The following KCNU1 variants were observed in gnomAD, a reference collection of about 807,000 sequenced individuals.
KCNU1 encodes potassium calcium-activated channel subfamily U member 1.
KCNU1 carries 93 observed loss-of-function variants against 126.8 expected under a neutral mutation model. That is an observed-to-expected ratio of 0.73 (90% CI 0.62 to 0.87). The LOEUF is 0.87. Among genes scored for constraint, KCNU1 ranks in the 40% least tolerant of loss-of-function variants. KCNU1 has a pLI of 0.00. For missense variants in KCNU1, 1,330 were observed against 1,367.1 expected (o/e 0.97, Z 0.43); for synonymous variants, 523 against 494.2 (o/e 1.06, Z -0.77).
intron 19 of KCNU1, among the ~76,000 whole-genome samples, chr8:36,899,545 C>T (rs372982498): frequency 5.2e-4 from 79 of 152,158 alleles, no homozygotes; most frequent in African/African-American, 1.9e-3. Flanking sequence ...TTAAATCATA[C>T]CTATTATCTC....
chr8:36,905,016 A>C (rs917182232), intron 19 of KCNU1, among the ~76,000 whole-genome samples: 4 of 152,170 alleles, frequency 2.6e-5, no homozygotes, highest in Non-Finnish European at 5.9e-5. Context: ...TCTCACAAGC[A>C]AATATGCATT....
chr8:36,787,634 T>C (rs1802755299), intron 2 of KCNU1, among the ~76,000 whole-genome samples: 1 of 149,652 alleles, frequency 6.7e-6, no homozygotes, highest in Admixed American at 6.7e-5. Context: ...TGAATACGAT[T>C]ACTAATAATT....
In KCNU1 at chr8:36,935,714, A is replaced by G. The variant is rs371238547; in HGVS notation, c.3244A>G (p.Thr1082Ala). The G allele has an allele frequency of 6.2e-7, 1 of 1,612,958 alleles. No homozygotes were observed. Among genetic ancestry groups the G allele is most frequent in the African/African-American group, 1.3e-5 (1 of 75,016 alleles). ...TTGTCCTCCCACCATTGATTCAGTTACTGAGACATTGTATTCACCAGTCTA... is the reference window on the plus strand; with the variant it reads ...TTGTCCTCCCACCATTGATTCAGTTGCTGAGACATTGTATTCACCAGTCTA... Reference protein sequence around the residue: ...TNCPPTIDSVTETLYSPVYSY... With the variant: ...TNCPPTIDSVAETLYSPVYSY... The change falls in exon 27 of 27, where the codon ACT becomes GCT. Residue 1082 changes from threonine to alanine, a missense_variant. Physicochemically the swap from Thr to Ala is moderately conservative, Grantham distance 58. Coordinates refer to ENST00000399881, the MANE Select transcript of KCNU1 (RefSeq NM_001031836.3).
intron 10 of KCNU1, among the ~76,000 whole-genome samples, chr8:36,821,053 A>G (rs1004207559): frequency 6.6e-6 from 1 of 152,198 alleles, no homozygotes. Context: ...AGCCCTACCA[A>G]CTTGAAGTAG....
intron 24 of KCNU1, chr8:36,929,192 G>A: frequency 1.9e-6 from 1 of 514,710 alleles, no homozygotes. Flanking sequence ...GATCAGCATG[G>A]CCAACATGGC....
chr8:36,858,540 GCCTTTAAACA>G (rs999981081), intron 18 of KCNU1, among the ~76,000 whole-genome samples: 12 of 152,164 alleles, frequency 7.9e-5, no homozygotes, highest in Middle Eastern at 6.8e-3. Context: ...GTATATATAG[GCCTTTAAACA>G]CAGTGTACAA....
intron 19 of KCNU1, among the ~76,000 whole-genome samples, chr8:36,892,011 A>G (rs1806980969): frequency 6.6e-6 from 1 of 152,146 alleles, no homozygotes; most frequent in Non-Finnish European, 1.5e-5. Flanking sequence ...TTCATTAAAT[A>G]TGTAAAATTT....
chr8:36,841,044 T>G (rs775026050), intron 16 of KCNU1, 41 bp downstream of exon 16: 106 of 1,287,554 alleles, frequency 8.2e-5, no homozygotes, highest in East Asian at 1.2e-4. Context: ...GTTTTTTTTT[T>G]TTTTTTTTTT....
chr8:36,802,108 CA>C (rs749026223), intron 2 of KCNU1, among the ~76,000 whole-genome samples: 739 of 72,330 alleles, frequency 0.01, 3 homozygotes, highest in African/African-American at 0.027. Flanking sequence ...AACTCCGTCT[CA>C]AAAAAAAAAA....
At chr8:36,922,904 G>T (rs1263000376) in intron 24 of KCNU1, 1 of 551,808 alleles carries the variant, frequency 1.8e-6, no homozygotes. Flanking sequence ...AGCTTCTAAG[G>T]CATCGCTGCA....
intron 14 of KCNU1, among the ~76,000 whole-genome samples, chr8:36,839,045 A>T (rs1387640588): frequency 1.3e-5 from 2 of 152,204 alleles, no homozygotes; most frequent in Non-Finnish European, 2.9e-5. Flanking sequence ...CTATAAAATT[A>T]AAGTTATTAA....
At chr8:36,808,628 C>A in intron 6 of KCNU1, 90 bp from the exon 7 acceptor site, 1 of 805,512 alleles carries the variant, frequency 1.2e-6, no homozygotes, top group Non-Finnish European at 2.1e-6. Context: ...CCATGAGCCA[C>A]ACTTTGTGTA....
At chr8:36,888,197 ACT>A (rs1426340318) in intron 19 of KCNU1, among the ~76,000 whole-genome samples, 3 of 152,188 alleles carry the variant, frequency 2.0e-5, no homozygotes, top group Admixed American at 6.6e-5. Flanking sequence ...TATGTTAAAG[ACT>A]CTGATAGAAA....
rs1807855461 is a variant in KCNU1 at position 36,911,101 on chromosome 8, C to T, written c.2503C>T (p.Pro835Ser). The change falls in exon 22 of 27, where the codon CCG becomes TCG. Residue 835 changes from proline to serine, a missense_variant. Physicochemically the swap from Pro to Ser is moderately conservative, Grantham distance 74. This residue lies in a region of KCNU1 where 1,054 missense variants were observed against 1,053.9 expected (regional missense o/e 1.00). Coordinates refer to ENST00000399881, the MANE Select transcript of KCNU1 (RefSeq NM_001031836.3). ...GSLQIDSSSDPSPSVSEETPG... is the reference protein window; with the variant it reads ...GSLQIDSSSDSSPSVSEETPG... Reference sequence around the variant, plus strand: ...CTTGCAAATTGACTCCTCCTCTGACCCGTCACCCTCAGTGTCAGGTGAGAA... The same window carrying T: ...CTTGCAAATTGACTCCTCCTCTGACTCGTCACCCTCAGTGTCAGGTGAGAA... 1 of 1,612,972 alleles carries T rather than the reference C, an allele frequency of 6.2e-7. No individual in the cohort carries two copies. The highest frequency in any genetic ancestry group is 8.5e-7 in the Non-Finnish European group (1 of 1,179,234).
In KCNU1 at chr8:36,876,673, C is replaced by T. The variant is rs1014696590; in HGVS notation, c.2009+12152C>T. ...CCTCCTCCCACTTCTTCCTCCTTTC[C>T]TCTCCTTCAGTTCACCTTGCAGCCA... On this transcript the variant is annotated intron_variant, in intron 19 of 26. Coordinates refer to ENST00000399881, the MANE Select transcript of KCNU1 (RefSeq NM_001031836.3). Among the ~76,000 whole-genome samples the T allele has an allele frequency of 3.3e-5, 5 of 152,292 alleles. No individual in the cohort carries two copies. The East Asian group carries it at 9.7e-4, about 29-fold the overall frequency.
At chr8:36,871,427 C>T (rs544420827) in intron 19 of KCNU1, among the ~76,000 whole-genome samples, 15 of 144,020 alleles carry the variant, frequency 1.0e-4, no homozygotes, top group African/African-American at 1.7e-4. Flanking sequence ...AGAGAGAGAG[C>T]GAGCAATAAT....
chr8:36,869,732 A>T (rs1001112723), intron 19 of KCNU1, among the ~76,000 whole-genome samples: 1 of 152,200 alleles, frequency 6.6e-6, no homozygotes, highest in Non-Finnish European at 1.5e-5. Context: ...GACTGATTCA[A>T]TTCTTATGTA....
intron 19 of KCNU1, among the ~76,000 whole-genome samples, chr8:36,886,401 C>T (rs979386365): frequency 6.6e-6 from 1 of 152,166 alleles, no homozygotes; most frequent in Non-Finnish European, 1.5e-5. Flanking sequence ...TAAAACCACA[C>T]CATTTATAAA....
At chr8:36,899,422 C>G (rs1807328698) in intron 19 of KCNU1, among the ~76,000 whole-genome samples, 1 of 151,786 alleles carries the variant, frequency 6.6e-6, no homozygotes, top group African/African-American at 2.4e-5. Flanking sequence ...TCTTGTTTAC[C>G]TTAGAACACA....
Sources: gnomAD v4.1 joint callset for allele counts (sites outside exome capture counted in the v4.1 genomes callset) on GRCh38, gnomAD v4.1.1 for gene constraint, gnomAD v4.1.1 regional missense constraint, MANE v1.5 for transcripts, NCBI Gene and HGNC (gene_info 2026-07-23, HGNC 2026-07-21) for gene names.